The following UGT1A6 variants were observed in gnomAD, a reference collection of about 807,000 sequenced individuals.
UGT1A6 encodes UDP-glucuronosyltransferase 1A6.
A neutral mutation model predicts 44.4 loss-of-function variants in UGT1A6; 32 were observed. The ratio of observed to expected loss-of-function variants is 0.72; its 90% CI spans 0.54 to 0.97. The LOEUF (loss-of-function observed/expected upper bound fraction) is 0.97, where lower values mean the gene tolerates loss of function less well. UGT1A6 is among the 50% of genes least tolerant of loss of function. UGT1A6 has a pLI of 0.00. For synonymous variants in UGT1A6, 238 were observed against 248.5 expected, an observed-to-expected ratio of 0.96 and a Z score of 0.40; for missense variants, 685 against 661.9, an observed-to-expected ratio of 1.03 and a Z score of -0.38.
intron 1 of UGT1A6, among the ~76,000 whole-genome samples, chr2:233,709,855 C>T (rs774385503): frequency 6.6e-6 from 1 of 152,220 alleles, no homozygotes; most frequent in Non-Finnish European, 1.5e-5. Flanking sequence ...ATTCAAGACA[C>T]GGAGCACTCC....
chr2:233,693,306 A>C lies in UGT1A6; in HGVS notation c.302A>C (p.Glu101Ala). Residue 101 changes from glutamate to alanine, a missense_variant, in exon 1 of 5, where the codon GAG becomes GCG. Physicochemically the swap from Glu to Ala is moderately radical, Grantham distance 107. Coordinates refer to ENST00000305139, the MANE Select transcript of UGT1A6 (RefSeq NM_001072.4). ...TCATTTGGAAACAATCACTTTGCTG[A>C]GCGATCATTCCTAACTGCTCCTCAG... The part of the protein sequence containing the change: ...YQSFGNNHFA[E>A]RSFLTAPQTE... 6.2e-7 allele frequency: 1 copy of C among 1,614,218 alleles called. No individual in the cohort carries two copies. The highest frequency in any genetic ancestry group is 8.5e-7 in the Non-Finnish European group (1 of 1,180,036).
At chr2:233,704,936 G>C (rs2075813786) in intron 1 of UGT1A6, among the ~76,000 whole-genome samples, 1 of 152,114 alleles carries the variant, frequency 6.6e-6, no homozygotes, top group South Asian at 2.1e-4. Context: ...CCTAGATCAA[G>C]ACCAGCCTGG....
intron 1 of UGT1A6, among the ~76,000 whole-genome samples, chr2:233,734,157 A>G (rs2078492221): frequency 6.6e-6 from 1 of 152,100 alleles, no homozygotes; most frequent in Non-Finnish European, 1.5e-5. Context: ...CTGGTCCTGG[A>G]CTTTTTTTGG....
chr2:233,769,513 C>T lies in UGT1A6; in HGVS notation c.1301+1074C>T, dbSNP rs1575843812. ...TATGAGAGTGTCCATTGCTTTCTCC[C>T]ATGGTTACCTCCTTTAGAAAGAAGC... On this transcript the variant is annotated intron_variant, in intron 4 of 4. Coordinates refer to ENST00000305139, the MANE Select transcript of UGT1A6 (RefSeq NM_001072.4). This position sits in a 1 kb window ranked among gnomAD's most constrained non-coding sequence, Gnocchi z 4.4. 6.2e-7 allele frequency: 1 copy of T among 1,612,680 alleles called. No homozygotes were observed. The highest frequency in any genetic ancestry group is 8.5e-7 in the Non-Finnish European group (1 of 1,179,866).
upstream of UGT1A6, chr2:233,692,122 T>C (rs2125550714): frequency 6.6e-6 from 1 of 152,296 alleles, no homozygotes; most frequent in South Asian, 2.1e-4. Context: ...TAATCAATCA[T>C]GCCTACTATG....
intron 1 of UGT1A6, chr2:233,721,736 T>A: frequency 2.3e-6 from 1 of 427,568 alleles, no homozygotes; most frequent in Admixed American, 2.5e-5. Flanking sequence ...ATAAGCTTAA[T>A]GATGAGAGAA....
chr2:233,755,324 A>G lies in UGT1A6; in HGVS notation c.862-11710A>G, dbSNP rs539104570. On this transcript the variant is annotated intron_variant, in intron 1 of 4. Transcript: ENST00000305139. Reference sequence around the variant, plus strand: ...TGGCACAGCGAGCGGCAAGGCTGCCAGCACCCGCGCACAGGTCAGAGGCTT... The same window carrying G: ...TGGCACAGCGAGCGGCAAGGCTGCCGGCACCCGCGCACAGGTCAGAGGCTT... 5.9e-4 allele frequency: 289 copies of G among 488,866 alleles called. 2 individuals are homozygous for G. The highest frequency in any genetic ancestry group is 5.4e-3 in the African/African-American group (267 of 49,540). The allele number at this position is 488,866 out of a possible 1,614,324, so 30.3% of individuals were successfully genotyped here.
In UGT1A6 at chr2:233,713,252, C is replaced by T. The variant is rs17874941; in HGVS notation, c.861+19387C>T. On this transcript the variant is annotated intron_variant, in intron 1 of 4. Coordinates refer to ENST00000305139, the MANE Select transcript of UGT1A6 (RefSeq NM_001072.4). ...CGTATGCCATTTCATGGACCCAGGA[C>T]GAATTTGATCGCCTTTTGCTGGGTC... 2,469 of 1,614,186 alleles carry T rather than the reference C, an allele frequency of 1.5e-3. 3 individuals carry two copies. The highest frequency in any genetic ancestry group is 2.0e-3 in the Non-Finnish European group (2,339 of 1,180,040).
At chr2:233,759,230 A>AG (rs1697089721) in intron 1 of UGT1A6, among the ~76,000 whole-genome samples, 1 of 152,196 alleles carries the variant, frequency 6.6e-6, no homozygotes, top group African/African-American at 2.4e-5. Flanking sequence ...CAAATGAAGG[A>AG]TGGAAACTTG....
At chr2:233,747,385 C>G in intron 1 of UGT1A6, 2 of 1,604,764 alleles carry the variant, frequency 1.2e-6, no homozygotes, top group East Asian at 4.5e-5. Flanking sequence ...GGCCACCAGG[C>G]GGTGGTCCTC....
At chr2:233,716,743 T>C (rs576356659) in intron 1 of UGT1A6, among the ~76,000 whole-genome samples, 2 of 152,306 alleles carry the variant, frequency 1.3e-5, no homozygotes, top group East Asian at 1.9e-4. Context: ...CTCTGTGAGA[T>C]TGGGAGAGGG....
At chr2:233,722,345 T>C (rs2077007826) in intron 1 of UGT1A6, among the ~76,000 whole-genome samples, 2 of 152,264 alleles carry the variant, frequency 1.3e-5, no homozygotes, top group African/African-American at 4.8e-5. Context: ...GAAATTTTTC[T>C]ACAAATATAC....
chr2:233,716,114 C>A (rs1457178462), intron 1 of UGT1A6, among the ~76,000 whole-genome samples: 2 of 152,082 alleles, frequency 1.3e-5, no homozygotes, highest in Admixed American at 1.3e-4. Flanking sequence ...TTAGTTTTTC[C>A]ATCTTAGTTT....
rs753289474 is a variant in UGT1A6, at chr2:233,769,632, G to A, written c.1301+1193G>A. The A allele has an allele frequency of 1.9e-6, 3 of 1,611,424 alleles. No individual in the cohort carries two copies. The highest frequency in any genetic ancestry group is 2.5e-6 in the Non-Finnish European group (3 of 1,179,338). On this transcript the variant is annotated intron_variant, in intron 4 of 4. Coordinates refer to ENST00000305139, the MANE Select transcript of UGT1A6 (RefSeq NM_001072.4). The surrounding 1 kb of genome is among the most constrained non-coding windows in gnomAD (Gnocchi z 4.4). ...CACCAGCTTGAGCAAGGGACAACAGGGGAGGACTGATGACTGACTTCCCAC... is the reference window on the plus strand; with the variant it reads ...CACCAGCTTGAGCAAGGGACAACAGAGGAGGACTGATGACTGACTTCCCAC...
At chr2:233,757,710 G>A (rs942741461) in intron 1 of UGT1A6, among the ~76,000 whole-genome samples, 2 of 151,554 alleles carry the variant, frequency 1.3e-5, no homozygotes, top group Admixed American at 6.6e-5. Flanking sequence ...TTTGCTTCCC[G>A]GGAGGGTCCT....
chr2:233,714,925 G>A (rs1358582665), intron 1 of UGT1A6, among the ~76,000 whole-genome samples: 5 of 152,094 alleles, frequency 3.3e-5, no homozygotes, highest in African/African-American at 1.2e-4. Flanking sequence ...CACCCAGTCT[G>A]GAGTGCAGTG....
intron 1 of UGT1A6, among the ~76,000 whole-genome samples, chr2:233,732,534 T>G (rs1352796772): frequency 6.6e-6 from 1 of 152,222 alleles, no homozygotes; most frequent in East Asian, 1.9e-4. Context: ...ATATGGCCAG[T>G]TTTCCCAGCA....
In UGT1A6 at chr2:233,722,182, C is replaced by T. The variant is rs530414552; in HGVS notation, c.861+28317C>T. On this transcript the variant is annotated intron_variant, in intron 1 of 4. Transcript: ENST00000305139. ...GTCACCTGGAGACCTTTGCCATGTT[C>T]GTGCCAATTTACTGAGTGCATGAAA... The T allele has an allele frequency of 1.0e-4, 16 of 156,916 alleles. No homozygotes were observed. The Middle Eastern group carries it at 8.9e-3, about 87-fold the overall frequency. 9.7% of individuals were successfully genotyped at this position (156,916 alleles called of 1,614,324 possible).
In UGT1A6 at chr2:233,718,773, C is replaced by G. The variant is rs374057137; in HGVS notation, c.861+24908C>G. Reference sequence around the variant, plus strand: ...ATTAAGGCGAAGGAAACAAATGTAGCAGGCACAGCGTGGGGTGGACAGTCA... The same window carrying G: ...ATTAAGGCGAAGGAAACAAATGTAGGAGGCACAGCGTGGGGTGGACAGTCA... On this transcript the variant is annotated intron_variant, in intron 1 of 4. Coordinates refer to ENST00000305139, the MANE Select transcript of UGT1A6 (RefSeq NM_001072.4). 9.1e-5 allele frequency: 147 copies of G among 1,612,730 alleles called. 1 individual carries two copies. Among genetic ancestry groups the G allele is most frequent in the Middle Eastern group, 6.0e-4 (3 of 4,988 alleles).
Sources: allele counts gnomAD v4.1 joint callset (sites outside exome capture counted in the v4.1 genomes callset), GRCh38; gene constraint gnomAD v4.1.1; non-coding constraint Gnocchi (gnomAD v3.1); transcripts MANE v1.5; gene names NCBI Gene and HGNC (gene_info 2026-07-23, HGNC 2026-07-21).